Variants in PDE6A observed in about 807,000 individuals in gnomAD.
PDE6A encodes the protein rod cGMP-specific 3',5'-cyclic phosphodiesterase subunit alpha.
In PDE6A, 84 loss-of-function variants were observed where a neutral mutation model predicts 106.3. The observed-to-expected ratio is 0.79, with a 90% CI of 0.66 to 0.95. PDE6A has a LOEUF of 0.95. Among genes scored for constraint, PDE6A ranks in the 40% least tolerant of loss-of-function variants. PDE6A has a pLI of 0.00. For missense variants in PDE6A, 1,052 were observed against 1,084.9 expected, an observed-to-expected ratio of 0.97 and a Z score of 0.43; for synonymous variants, 394 against 386.6, an observed-to-expected ratio of 1.02 and a Z score of -0.23.
intron 6 of PDE6A, 82 bp from the exon 7 acceptor site, chr5:149,907,460 C>T: frequency 8.9e-7 from 1 of 1,123,404 alleles, no homozygotes; most frequent in South Asian, 1.2e-5. Flanking sequence ...TTTGCGCTCC[C>T]CCTGCTCTCA....
At chr5:149,880,261 C>G (rs1760876247) in intron 17 of PDE6A, among the ~76,000 whole-genome samples, 1 of 152,060 alleles carries the variant, frequency 6.6e-6, no homozygotes, top group Admixed American at 6.6e-5. Context: ...TGGAATCACC[C>G]TTAAATGAAT....
At position 149,917,754 on chromosome 5, in the gene PDE6A, A is replaced by G. The variant is rs533753092; in HGVS notation, c.934-2747T>C. ...TTCCTGTTCTAGTTTCGGTCCTACT[A>G]TGGGTGTTCTCTAGGCCTCAGTTTC... On this transcript the variant is annotated intron_variant, in intron 5 of 21. Transcript: ENST00000255266. 1.2e-3 allele frequency among the ~76,000 whole-genome samples: 186 copies of G among 152,248 alleles called. No individual in the cohort carries two copies. The Middle Eastern group carries it at 0.017, about 14-fold the overall frequency.
intron 5 of PDE6A, among the ~76,000 whole-genome samples, chr5:149,919,970 G>A (rs111720178): frequency 1.3e-3 from 193 of 152,236 alleles, no homozygotes; most frequent in African/African-American, 4.6e-3. Flanking sequence ...CAAAAGCTGT[G>A]TTTCCAAGTG....
chr5:149,921,597 T>C, intron 5 of PDE6A, 38 bp downstream of exon 5: 1 of 1,508,250 alleles, frequency 6.6e-7, no homozygotes, highest in African/African-American at 1.4e-5. Context: ...TGCATTTGAA[T>C]ATATTAAATC....
At chr5:149,919,960 C>T (rs914639695) in intron 5 of PDE6A, among the ~76,000 whole-genome samples, 3 of 150,330 alleles carry the variant, frequency 2.0e-5, no homozygotes, top group Admixed American at 6.6e-5. Flanking sequence ...GGAATTCAGA[C>T]AAAAGCTGTG....
At chr5:149,866,961 G>C (rs1760353162) in intron 19 of PDE6A, 1 of 154,234 alleles carries the variant, frequency 6.5e-6, no homozygotes, top group African/African-American at 2.4e-5. Flanking sequence ...AAGAGAGAGT[G>C]AGAACGACAA....
chr5:149,902,262 C>T (rs1010714197), intron 8 of PDE6A, among the ~76,000 whole-genome samples: 1 of 152,158 alleles, frequency 6.6e-6, no homozygotes, highest in African/African-American at 2.4e-5. Context: ...TCTCCCCTCT[C>T]TCTACTGTCC....
chr5:149,915,040 T>A, intron 5 of PDE6A, 33 bp from the exon 6 acceptor site: 1 of 1,400,460 alleles, frequency 7.1e-7, no homozygotes, highest in Non-Finnish European at 9.9e-7. Context: ...TACTTTTTTT[T>A]TTTTTTTTTT....
At chr5:149,935,375 A>AT (rs1445746780) in intron 1 of PDE6A, among the ~76,000 whole-genome samples, 1 of 152,132 alleles carries the variant, frequency 6.6e-6, no homozygotes, top group Non-Finnish European at 1.5e-5. Flanking sequence ...GAACAAAAGA[A>AT]TTTGTTATTT....
chr5:149,867,677 A>C (rs1432483602), intron 19 of PDE6A, 48 bp downstream of exon 19: 1 of 1,520,434 alleles, frequency 6.6e-7, no homozygotes, highest in South Asian at 1.1e-5. Context: ...CTAGGTCAGG[A>C]TGGAGCACAC....
At chr5:149,928,495 C>T (rs932103296) in intron 4 of PDE6A, among the ~76,000 whole-genome samples, 4 of 151,810 alleles carry the variant, frequency 2.6e-5, no homozygotes, top group African/African-American at 9.7e-5. Flanking sequence ...CTCGGCCTCC[C>T]AAAGTGTTGG....
chr5:149,899,347 C>T (rs761672003), intron 9 of PDE6A, 28 bp downstream of exon 9: 3 of 1,613,464 alleles, frequency 1.9e-6, no homozygotes, highest in East Asian at 4.5e-5. Flanking sequence ...TGAATCCCAA[C>T]AGCAAAAGGC....
chr5:149,938,917 T>G (rs751647889), intron 1 of PDE6A, among the ~76,000 whole-genome samples: 3 of 152,138 alleles, frequency 2.0e-5, no homozygotes, highest in Non-Finnish European at 4.4e-5. Context: ...TTGCAACCAT[T>G]TCTCAGGTTT....
At chr5:149,900,884 T>C (rs1752951884) in intron 8 of PDE6A, among the ~76,000 whole-genome samples, 1 of 152,086 alleles carries the variant, frequency 6.6e-6, no homozygotes, top group Admixed American at 6.5e-5. Context: ...CCATTAAAGA[T>C]TTTTAAGCAA....
intron 4 of PDE6A, among the ~76,000 whole-genome samples, chr5:149,926,769 G>A (rs1238727785): frequency 2.0e-5 from 3 of 152,166 alleles, no homozygotes; most frequent in Non-Finnish European, 4.4e-5. Flanking sequence ...CACGAGGTCA[G>A]GAGTTCAAGG....
At chr5:149,916,711 G>A (rs1753566993) in intron 5 of PDE6A, among the ~76,000 whole-genome samples, 1 of 152,154 alleles carries the variant, frequency 6.6e-6, no homozygotes, top group South Asian at 2.1e-4. Flanking sequence ...CAAGCGTGAT[G>A]AGCAACTATT....
At chr5:149,882,859 A>ACCAGC (rs1441753257) in intron 17 of PDE6A, among the ~76,000 whole-genome samples, 2 of 152,174 alleles carry the variant, frequency 1.3e-5, no homozygotes, top group African/African-American at 4.8e-5. Flanking sequence ...GGAGTTTAAA[A>ACCAGC]CCAGCCTAGG....
chr5:149,941,937 T>TCCTTG (rs1159070145), intron 1 of PDE6A, among the ~76,000 whole-genome samples: 5 of 152,136 alleles, frequency 3.3e-5, no homozygotes, highest in Non-Finnish European at 7.4e-5. Context: ...AGCTTTCCTT[T>TCCTTG]CCTTGCCTTG....
chr5:149,879,403 A>AT (rs928837288), intron 17 of PDE6A, among the ~76,000 whole-genome samples: 52 of 143,924 alleles, frequency 3.6e-4, no homozygotes, highest in South Asian at 6.8e-4. Flanking sequence ...TCGCTCTGAA[A>AT]TTTTTTTTTT....
Sources: gnomAD v4.1 joint callset for allele counts (sites outside exome capture counted in the v4.1 genomes callset) on GRCh38, gnomAD v4.1.1 for gene constraint, MANE v1.5 for transcripts, NCBI Gene and HGNC (gene_info 2026-07-23, HGNC 2026-07-21) for gene names.